Variants in FGF12 observed in about 807,000 individuals in gnomAD.
FGF12 encodes fibroblast growth factor 12B.
Under a neutral mutation model 23.6 loss-of-function variants are expected in FGF12, and 14 were observed. The ratio of observed to expected loss-of-function variants is 0.59; its 90% CI spans 0.39 to 0.93. The LOEUF is 0.93. Among genes scored for constraint, FGF12 ranks in the 40% least tolerant of loss-of-function variants. The pLI is 0.00. For synonymous variants in FGF12, 62 were observed against 77.3 expected (o/e 0.80, Z 1.04); for missense variants, 175 against 217.8 (o/e 0.80, Z 1.24).
At chr3:192,726,106 C>T (rs192801236) in intron 2 of FGF12, among the ~76,000 whole-genome samples, 3 of 152,302 alleles carry the variant, frequency 2.0e-5, no homozygotes, top group Non-Finnish European at 1.5e-5. Context: ...TGCTATCATT[C>T]AACACTCCAG....
chr3:192,348,206 T>A (rs567401170), intron 3 of FGF12, among the ~76,000 whole-genome samples: 1 of 152,296 alleles, frequency 6.6e-6, no homozygotes, highest in East Asian at 1.9e-4. Flanking sequence ...ATGCTGTGCA[T>A]ACATAGTCTC....
chr3:192,472,854 G>C (rs887021044), intron 2 of FGF12, among the ~76,000 whole-genome samples: 2 of 152,064 alleles, frequency 1.3e-5, no homozygotes, highest in Admixed American at 1.3e-4. Flanking sequence ...GTTTGTACTT[G>C]CTATTCTCTT....
At chr3:192,247,705 C>T (rs1184747310) in intron 4 of FGF12, among the ~76,000 whole-genome samples, 3 of 152,020 alleles carry the variant, frequency 2.0e-5, no homozygotes, top group Non-Finnish European at 4.4e-5. Context: ...AAATTGAAGA[C>T]GTTAAGTCTG....
At chr3:192,293,156 T>A (rs1714849371) in intron 4 of FGF12, among the ~76,000 whole-genome samples, 1 of 152,066 alleles carries the variant, frequency 6.6e-6, no homozygotes, top group African/African-American at 2.4e-5. Flanking sequence ...GAAAGAGATA[T>A]TAAAGAAGGA....
At chr3:192,256,763 A>G (rs2108612992) in intron 4 of FGF12, among the ~76,000 whole-genome samples, 1 of 152,286 alleles carries the variant, frequency 6.6e-6, no homozygotes, top group African/African-American at 2.4e-5. Context: ...TATTTGATGT[A>G]ATTATTTATG....
chr3:192,477,167 C>T (rs1723349849), intron 2 of FGF12, among the ~76,000 whole-genome samples: 1 of 152,166 alleles, frequency 6.6e-6, no homozygotes, highest in Non-Finnish European at 1.5e-5. Context: ...GCAGCGGTGA[C>T]ATTCTGCCAT....
chr3:192,447,719 T>C (rs1215307477), intron 2 of FGF12, among the ~76,000 whole-genome samples: 1 of 152,222 alleles, frequency 6.6e-6, no homozygotes, highest in African/African-American at 2.4e-5. Context: ...TACTTATCAT[T>C]TTCCCATTTT....
chr3:192,474,617 G>A (rs1403010386), intron 2 of FGF12, among the ~76,000 whole-genome samples: 1 of 152,172 alleles, frequency 6.6e-6, no homozygotes, highest in Non-Finnish European at 1.5e-5. Context: ...CAGGTACGGT[G>A]GCTCAGGCCT....
intron 2 of FGF12, among the ~76,000 whole-genome samples, chr3:192,593,006 C>T (rs1195577531): frequency 2.0e-5 from 3 of 151,892 alleles, no homozygotes; most frequent in Non-Finnish European, 4.4e-5. Flanking sequence ...CCTCACTGGT[C>T]CATCTGCTTC....
At chr3:192,415,400 GCCA>G (rs1295700771) in intron 2 of FGF12, among the ~76,000 whole-genome samples, 2 of 151,914 alleles carry the variant, frequency 1.3e-5, no homozygotes, top group Admixed American at 1.3e-4. Flanking sequence ...TTTGCACATA[GCCA>G]GATACTCAAA....
chr3:192,439,888 ACTGC>A (rs1722149886), intron 2 of FGF12, among the ~76,000 whole-genome samples: 1 of 151,702 alleles, frequency 6.6e-6, no homozygotes, highest in Non-Finnish European at 1.5e-5. Flanking sequence ...GAGGCAGAGA[ACTGC>A]TTGAACCCGG....
At chr3:192,718,633 C>T (rs1577139820) in intron 2 of FGF12, among the ~76,000 whole-genome samples, 1 of 152,260 alleles carries the variant, frequency 6.6e-6, no homozygotes, top group Admixed American at 6.5e-5. Context: ...TCCACAAGGC[C>T]ACTGCAGCCA....
chr3:192,268,660 C>T (rs949615715), intron 4 of FGF12: 2 of 443,720 alleles, frequency 4.5e-6, no homozygotes, highest in Non-Finnish European at 9.1e-6. Context: ...CCTGCTCCTC[C>T]TTTGCCTTGT....
intron 2 of FGF12, among the ~76,000 whole-genome samples, chr3:192,583,810 T>C (rs1713258905): frequency 6.6e-6 from 1 of 152,190 alleles, no homozygotes; most frequent in Non-Finnish European, 1.5e-5. Context: ...ATTTAGCTTG[T>C]TTTATAGGCC....
chr3:192,385,631 C>T (rs1720007430), intron 2 of FGF12, among the ~76,000 whole-genome samples: 1 of 143,142 alleles, frequency 7.0e-6, no homozygotes, highest in Non-Finnish European at 1.5e-5. Flanking sequence ...TGCCAGGGAC[C>T]CATAGGGATT....
At chr3:192,423,458 G>A (rs1721598333) in intron 2 of FGF12, among the ~76,000 whole-genome samples, 2 of 152,094 alleles carry the variant, frequency 1.3e-5, no homozygotes, top group South Asian at 4.1e-4. Context: ...TATTGAGAGA[G>A]CCTGGGCAAA....
chr3:192,332,272 G>A (rs535377222), intron 4 of FGF12, among the ~76,000 whole-genome samples: 7 of 151,922 alleles, frequency 4.6e-5, no homozygotes, highest in South Asian at 2.1e-4. Flanking sequence ...AAAGTATGTC[G>A]TGATTTATGT....
intron 3 of FGF12, among the ~76,000 whole-genome samples, chr3:192,352,011 A>AAG (rs1388990089): frequency 6.6e-6 from 1 of 151,936 alleles, no homozygotes; most frequent in Non-Finnish European, 1.5e-5. Context: ...ATACAGGCTT[A>AAG]CCTATATCAC....
chr3:192,339,648 T>C (rs1461931719), intron 3 of FGF12, among the ~76,000 whole-genome samples: 4 of 152,190 alleles, frequency 2.6e-5, no homozygotes, highest in Non-Finnish European at 1.5e-5. Flanking sequence ...GGCCAACTCT[T>C]TTCATCATTT....
Sources: gnomAD v4.1 joint callset for allele counts (sites outside exome capture counted in the v4.1 genomes callset) on GRCh38, gnomAD v4.1.1 for gene constraint, MANE v1.5 for transcripts, NCBI Gene and HGNC (gene_info 2026-07-23, HGNC 2026-07-21) for gene names.